The following PPP2R1A variants were observed in gnomAD, a reference collection of about 807,000 sequenced individuals.
The protein encoded by PPP2R1A is serine/threonine-protein phosphatase 2A 65 kDa regulatory subunit A alpha isoform.
In PPP2R1A, 15 loss-of-function variants were observed where a neutral mutation model predicts 67.1. That is an observed-to-expected ratio of 0.22 (90% CI 0.15 to 0.34). The LOEUF (loss-of-function observed/expected upper bound fraction) is 0.34. Among genes scored for constraint, PPP2R1A ranks in the 10% least tolerant of loss-of-function variants. The pLI, the probability that PPP2R1A is intolerant of heterozygous loss-of-function variation, is 1.00. For missense variants in PPP2R1A, 369 were observed against 775.0 expected, an observed-to-expected ratio of 0.48 and a Z score of 6.22; for synonymous variants, 337 against 325.0, an observed-to-expected ratio of 1.04 and a Z score of -0.40.
chr19:52,208,595 G>A (rs1463341966), intron 3 of PPP2R1A, among the ~76,000 whole-genome samples: 1 of 152,152 alleles, frequency 6.6e-6, no homozygotes, highest in African/African-American at 2.4e-5. Context: ...TGCCTCCCGG[G>A]TTCAAGTGAT....
At chr19:52,208,617 A>G (rs1377222521) in intron 3 of PPP2R1A, among the ~76,000 whole-genome samples, 3 of 152,140 alleles carry the variant, frequency 2.0e-5, no homozygotes, top group Admixed American at 6.5e-5. Flanking sequence ...CTCAAGCCTC[A>G]GCCTCCCAAG....
intron 1 of PPP2R1A, chr19:52,201,302 A>G (rs1363501527): frequency 6.6e-6 from 1 of 152,106 alleles, no homozygotes; most frequent in Non-Finnish European, 1.5e-5. Flanking sequence ...TCATTTTATT[A>G]CAATAATTTT....
intron 1 of PPP2R1A, chr19:52,191,381 CAAAT>C (rs769347552): frequency 6.6e-6 from 1 of 152,152 alleles, no homozygotes; most frequent in South Asian, 2.1e-4. Flanking sequence ...AATTATGACA[CAAAT>C]AAAAAGTAGA....
At position 52,216,426 on chromosome 19, in the gene PPP2R1A, G is replaced by C; in HGVS notation, c.994-103G>C. The C allele has an allele frequency of 7.0e-7, 1 of 1,430,050 alleles. No homozygotes were observed. Among genetic ancestry groups the C allele is most frequent in the South Asian group, 1.2e-5 (1 of 80,006 alleles). The allele number at this position is 1,430,050 out of a possible 1,614,324, so 88.6% of individuals were successfully genotyped here. ...GCCATCCCCTGCTCTATGAATGAGA[G>C]GGGCAGAAGCAGGTTATTGTCTCTT... On this transcript the variant is annotated intron_variant, in intron 8 of 14. Coordinates refer to ENST00000322088, the MANE Select transcript of PPP2R1A (RefSeq NM_014225.6). This position sits in a 1 kb window ranked among gnomAD's most constrained non-coding sequence, Gnocchi z 4.3.
chr19:52,190,207 C>T, intron 1 of PPP2R1A, 33 bp downstream of exon 1: 1 of 1,546,182 alleles, frequency 6.5e-7, no homozygotes, highest in Non-Finnish European at 8.7e-7. Flanking sequence ...GGGGAAGACG[C>T]GGAGGGGTAC....
chr19:52,221,731 C>T (rs1222000774), intron 12 of PPP2R1A, among the ~76,000 whole-genome samples: 2 of 152,052 alleles, frequency 1.3e-5, no homozygotes, highest in Admixed American at 6.6e-5. Flanking sequence ...TCATGTACTA[C>T]TTATTTATGT....
At chr19:52,199,486 T>C (rs770305013) in intron 1 of PPP2R1A, among the ~76,000 whole-genome samples, 6 of 152,152 alleles carry the variant, frequency 3.9e-5, no homozygotes, top group Non-Finnish European at 8.8e-5. Flanking sequence ...AGTATTTTAT[T>C]ATGAAAGTTT....
At chr19:52,220,841 C>CCTT in intron 11 of PPP2R1A, 138 bp from the exon 12 acceptor site, 1 of 1,010,268 alleles carries the variant, frequency 9.9e-7, no homozygotes, top group Admixed American at 2.4e-5. Context: ...ATAGTAAGTC[C>CCTT]TTTTTTCTCT....
chr19:52,196,236 T>G (rs76625814), intron 1 of PPP2R1A, among the ~76,000 whole-genome samples: 3,509 of 152,324 alleles, frequency 0.023, 59 homozygotes, highest in Non-Finnish European at 0.037. Flanking sequence ...AGTCAAGGTT[T>G]CTGAAATGAT....
At chr19:52,208,577 G>A (rs1314894451) in intron 3 of PPP2R1A, among the ~76,000 whole-genome samples, 3 of 152,130 alleles carry the variant, frequency 2.0e-5, no homozygotes, top group Admixed American at 2.0e-4. Context: ...TCAGCTCACT[G>A]CAGCCTCTGC....
chr19:52,214,198 A>T (rs1017692403), intron 6 of PPP2R1A, among the ~76,000 whole-genome samples: 2 of 152,116 alleles, frequency 1.3e-5, no homozygotes, highest in African/African-American at 2.4e-5. Context: ...AAGCAGGAAC[A>T]TTCAGGCCTG....
intron 1 of PPP2R1A, among the ~76,000 whole-genome samples, chr19:52,199,900 G>A (rs759383626): frequency 2.0e-4 from 31 of 152,172 alleles, no homozygotes; most frequent in Non-Finnish European, 4.1e-4. Flanking sequence ...CCTGAGGTCC[G>A]TTTAATGCCA....
Position 52,201,720 on chromosome 19 carries a change from A to G in PPP2R1A, c.79-224A>G, listed in dbSNP as rs185144545. Reference sequence around the variant, plus strand: ...GTAGGTGTCACCTTCATAAGACCCAAGGGATGCTTTTGCATTTGTTGCTGC... The same window carrying G: ...GTAGGTGTCACCTTCATAAGACCCAGGGGATGCTTTTGCATTTGTTGCTGC... On this transcript the variant is annotated intron_variant, in intron 1 of 14. Coordinates refer to ENST00000322088, the MANE Select transcript of PPP2R1A (RefSeq NM_014225.6). 1.6e-4 allele frequency: 85 copies of G among 539,876 alleles called. No individual in the cohort carries two copies. In the East Asian group the frequency reaches 2.6e-3, roughly 17 times the overall value. The allele number at this position is 539,876 out of a possible 1,614,324, so 33.4% of individuals were successfully genotyped here. A position where few individuals can be genotyped will look rare whatever the true frequency, so the allele number is the denominator to read the frequency against.
chr19:52,201,883 A>C (rs906888097), intron 1 of PPP2R1A, 61 bp from the exon 2 acceptor site: 3 of 1,507,578 alleles, frequency 2.0e-6, no homozygotes, highest in Non-Finnish European at 2.8e-6. Flanking sequence ...GAGAGCTGTC[A>C]GAACTCACGC....
At chr19:52,207,684 C>G (rs902124516) in intron 3 of PPP2R1A, among the ~76,000 whole-genome samples, 6 of 152,178 alleles carry the variant, frequency 3.9e-5, no homozygotes, top group African/African-American at 7.2e-5. Context: ...ATCCCAAGAG[C>G]CTTACACAGT....
rs940691953 is a variant in PPP2R1A at position 52,213,708 on chromosome 19, A to G, written c.807+598A>G. Among the ~76,000 whole-genome samples the G allele has an allele frequency of 1.3e-5, 2 of 151,082 alleles. No individual in the cohort carries two copies. The highest frequency in any genetic ancestry group is 3.0e-5 in the Non-Finnish European group (2 of 67,768). ...ATGTTGTTAGCCAGGCTAGTCTCGA[A>G]CTCCTGACCTCAAGCGATCCGCCTG... On this transcript the variant is annotated intron_variant, in intron 6 of 14. Coordinates refer to ENST00000322088, the MANE Select transcript of PPP2R1A (RefSeq NM_014225.6). This position sits in a 1 kb window ranked among gnomAD's most constrained non-coding sequence, Gnocchi z 4.2.
intron 6 of PPP2R1A, among the ~76,000 whole-genome samples, chr19:52,214,729 CTTT>C (rs761403678): frequency 1.4e-5 from 2 of 142,508 alleles, no homozygotes; most frequent in Non-Finnish European, 3.1e-5. Flanking sequence ...GCGTGCCTCC[CTTT>C]TTTTTTTTTT....
Position 52,211,704 on chromosome 19 carries a change from T to G in PPP2R1A, c.503+212T>G. 1 of 586,168 alleles carries G rather than the reference T, an allele frequency of 1.7e-6. No homozygotes were observed. The highest frequency in any genetic ancestry group is 3.0e-6 in the Non-Finnish European group (1 of 331,992). The allele number at this position is 586,168 out of a possible 1,614,324, so 36.3% of individuals were successfully genotyped here. A position where few individuals can be genotyped will look rare whatever the true frequency, so the allele number is the denominator to read the frequency against. ...TACCCACCTCTGCCCCCTTGCTCAC[T>G]TAGGAATTGAGATGATGACAGGTCC... is the stretch of plus-strand genomic sequence containing the variant. On this transcript the variant is annotated intron_variant, in intron 4 of 14. Coordinates refer to ENST00000322088, the MANE Select transcript of PPP2R1A (RefSeq NM_014225.6). This position sits in a 1 kb window ranked among gnomAD's most constrained non-coding sequence, Gnocchi z 5.3.
rs780028635 is a variant in PPP2R1A, at chr19:52,221,119, C to T, written c.1504C>T (p.Leu502Phe). The change falls in exon 12 of 15, where the codon CTC becomes TTC. Residue 502 changes from leucine to phenylalanine, a missense_variant. Physicochemically the swap from Leu to Phe is conservative, Grantham distance 22 (BLOSUM62 0). Coordinates refer to ENST00000322088, the MANE Select transcript of PPP2R1A (RefSeq NM_014225.6). ...CAACTACCTGCACCGCATGACTACGCTCTTCTGCATCAATGTGAGCCTTCC... is the reference window on the plus strand; with the variant it reads ...CAACTACCTGCACCGCATGACTACGTTCTTCTGCATCAATGTGAGCCTTCC... ...DPNYLHRMTT[L>F]FCINVLSEVC... The T allele has an allele frequency of 1.2e-6, 2 of 1,614,198 alleles. No homozygotes were observed. Among genetic ancestry groups the T allele is most frequent in the Non-Finnish European group, 1.7e-6 (2 of 1,180,000 alleles).
Sources: allele counts gnomAD v4.1 joint callset (sites outside exome capture counted in the v4.1 genomes callset), GRCh38; gene constraint gnomAD v4.1.1; non-coding constraint Gnocchi (gnomAD v3.1); transcripts MANE v1.5; gene names NCBI Gene and HGNC (gene_info 2026-07-23, HGNC 2026-07-21).